Variants in SVOPL observed in about 807,000 individuals in gnomAD.
The protein encoded by SVOPL is SVOP like.
In SVOPL, 60 loss-of-function variants were observed where a neutral mutation model predicts 61.0. The observed-to-expected ratio is 0.98, with a 90% CI of 0.80 to 1.22. The LOEUF is 1.22. Ranked by LOEUF, SVOPL falls within the 50% of genes most tolerant of loss-of-function variation. The pLI, the probability that SVOPL is intolerant of heterozygous loss-of-function variation, is 0.00. For missense variants in SVOPL, 662 were observed against 643.9 expected (o/e 1.03, Z -0.30); for synonymous variants, 279 against 250.0 (o/e 1.12, Z -1.09).
intron 1 of SVOPL, among the ~76,000 whole-genome samples, chr7:138,695,875 T>C (rs1803053858): frequency 1.3e-5 from 2 of 151,724 alleles, no homozygotes; most frequent in Non-Finnish European, 2.9e-5. Context: ...CTCTGCCTCC[T>C]GGGTTCAAGC....
At chr7:138,611,915 A>C (rs1361179121) in intron 14 of SVOPL, among the ~76,000 whole-genome samples, 1 of 20,278 alleles carries the variant, frequency 4.9e-5, no homozygotes, top group Non-Finnish European at 1.0e-4. Context: ...CTCATTGAGA[A>C]CGGGCCAGGA....
intron 1 of SVOPL, among the ~76,000 whole-genome samples, chr7:138,697,402 G>A (rs374666958): frequency 7.3e-4 from 111 of 151,948 alleles, no homozygotes; most frequent in African/African-American, 2.6e-3. Flanking sequence ...AGATTCTAAT[G>A]GCCAGTCTGG....
At chr7:138,649,815 T>G (rs1563118924) in intron 7 of SVOPL, among the ~76,000 whole-genome samples, 1 of 151,452 alleles carries the variant, frequency 6.6e-6, no homozygotes, top group Non-Finnish European at 1.5e-5. Context: ...ATTTTAGTAG[T>G]GAATGGTGAA....
At chr7:138,682,910 G>A (rs1313076549) in intron 1 of SVOPL, among the ~76,000 whole-genome samples, 1 of 140,708 alleles carries the variant, frequency 7.1e-6, no homozygotes, top group African/African-American at 2.8e-5. Flanking sequence ...GGAGGTTGCT[G>A]TAAGCAGCGA....
intron 14 of SVOPL, among the ~76,000 whole-genome samples, chr7:138,615,916 A>C (rs1037055782): frequency 6.6e-6 from 1 of 152,178 alleles, no homozygotes; most frequent in Admixed American, 6.5e-5. Context: ...ATGTGAGGAC[A>C]CAAGAAGGTA....
intron 5 of SVOPL, chr7:138,660,967 T>C (rs1370343463): frequency 3.1e-6 from 3 of 983,080 alleles, no homozygotes; most frequent in Non-Finnish European, 3.6e-6. Flanking sequence ...TATTTTGTTT[T>C]TGATAACTCC....
chr7:138,598,375 C>T (rs1051587527), intron 14 of SVOPL, among the ~76,000 whole-genome samples: 2 of 152,110 alleles, frequency 1.3e-5, no homozygotes, highest in African/African-American at 4.8e-5. Flanking sequence ...TAGACATCCA[C>T]AAATAGTTGG....
intron 9 of SVOPL, among the ~76,000 whole-genome samples, chr7:138,632,767 A>C (rs142539285): frequency 2.7e-3 from 412 of 151,948 alleles, no homozygotes; most frequent in Non-Finnish European, 3.0e-3. Flanking sequence ...AAGAGGAGAG[A>C]GAGCTTATTT....
In SVOPL at chr7:138,669,219, G is replaced by A. The variant is rs140268455; in HGVS notation, c.273+2800C>T. ...TGATCCCAACACTTTGAGAGGCCTA[G>A]GCAGGAGGATTGCTTGAGGCCAGGA... On this transcript the variant is annotated intron_variant, in intron 4 of 15. Transcript: ENST00000674285. Among the ~76,000 whole-genome samples the A allele has an allele frequency of 2.6e-5, 4 of 152,272 alleles. No homozygotes were observed. The East Asian group carries it at 7.7e-4, about 29-fold the overall frequency.
chr7:138,598,063 C>T (rs1005037285), intron 14 of SVOPL, among the ~76,000 whole-genome samples: 2 of 152,110 alleles, frequency 1.3e-5, no homozygotes, highest in African/African-American at 4.8e-5. Flanking sequence ...CCTAAGTTTA[C>T]TAAAGTCAGT....
Position 138,628,178 on chromosome 7 carries a change from C to T in SVOPL, c.1049G>A (p.Ser350Asn), listed in dbSNP as rs752464540. The T allele has an allele frequency of 6.2e-7, 1 of 1,614,202 alleles. No individual in the cohort carries two copies. Among genetic ancestry groups the T allele is most frequent in the South Asian group, 1.1e-5 (1 of 91,082 alleles). ...APSDYRTMII[S>N]TIGEIALNPL... The stretch of plus-strand genomic sequence containing the variant: ...CTTACAAGCAATTTCACCGATGGTG[C>T]TGATGATCATGGTCCGATAGTCAGA... The change falls in exon 11 of 16, where the codon AGC becomes AAC. Residue 350 changes from serine (S) to asparagine (N), a missense_variant. Transcript: ENST00000674285.
chr7:138,622,650 CAA>C (rs1006112071), intron 13 of SVOPL, among the ~76,000 whole-genome samples: 2 of 151,176 alleles, frequency 1.3e-5, no homozygotes, highest in African/African-American at 4.9e-5. Context: ...TTTACAGAAA[CAA>C]GACCTCGCTA....
chr7:138,624,757 G>A (rs1799818982), intron 13 of SVOPL, among the ~76,000 whole-genome samples: 1 of 150,974 alleles, frequency 6.6e-6, no homozygotes, highest in Non-Finnish European at 1.5e-5. Flanking sequence ...GAGTGCAGTG[G>A]TGCCATCAGA....
At chr7:138,660,597 T>C in intron 5 of SVOPL, 2 of 985,392 alleles carry the variant, frequency 2.0e-6, no homozygotes, top group Non-Finnish European at 2.4e-6. Context: ...ACTGTTGCAG[T>C]TTAAGTTGTT....
intron 14 of SVOPL, among the ~76,000 whole-genome samples, chr7:138,599,141 C>CAA (rs71520007): frequency 5.3e-4 from 15 of 28,080 alleles, no homozygotes; most frequent in Non-Finnish European, 7.9e-4. Context: ...GATCCGTCTC[C>CAA]AAAAAAAAAA....
At chr7:138,631,960 T>TCTCTCTCACACACACACACACACACACA (rs935815206) in intron 9 of SVOPL, among the ~76,000 whole-genome samples, 2 of 146,966 alleles carry the variant, frequency 1.4e-5, no homozygotes, top group African/African-American at 5.1e-5. Flanking sequence ...TGCTCTGATA[T>TCTCTCTCACACACACACACACACACACA]CACACACACA....
At chr7:138,651,781 CT>C (rs1266647520) in intron 7 of SVOPL, among the ~76,000 whole-genome samples, 1 of 152,148 alleles carries the variant, frequency 6.6e-6, no homozygotes, top group Non-Finnish European at 1.5e-5. Context: ...ACTGGCTATT[CT>C]TTGGTTTCTC....
chr7:138,624,776 C>G (rs747608977), intron 13 of SVOPL, among the ~76,000 whole-genome samples: 2 of 151,550 alleles, frequency 1.3e-5, no homozygotes, highest in African/African-American at 4.9e-5. Flanking sequence ...GAACTCACTG[C>G]AGCCTCCAAC....
At chr7:138,609,487 T>C (rs1324284354) in intron 14 of SVOPL, among the ~76,000 whole-genome samples, 5 of 64,588 alleles carry the variant, frequency 7.7e-5, no homozygotes, top group Admixed American at 2.2e-4. Context: ...ACACCACCTC[T>C]ACAAAAAAAA....
Sources: allele counts gnomAD v4.1 joint callset (sites outside exome capture counted in the v4.1 genomes callset), GRCh38; gene constraint gnomAD v4.1.1; transcripts MANE v1.5; gene names NCBI Gene and HGNC (gene_info 2026-07-23, HGNC 2026-07-21).